Variants in ADAR observed in about 807,000 individuals in gnomAD.
ADAR encodes the protein double-stranded RNA-specific adenosine deaminase.
In ADAR, 41 loss-of-function variants were observed where a neutral mutation model predicts 113.2. The observed-to-expected ratio is 0.36, with a 90% CI of 0.28 to 0.47. The LOEUF (loss-of-function observed/expected upper bound fraction) is 0.47, where lower values mean the gene tolerates loss of function less well. ADAR is among the 20% of genes least tolerant of loss of function. The probability of loss-of-function intolerance (pLI) is 1.00; values close to 1 mark genes in which losing one functional copy is unlikely to be tolerated. For synonymous variants in ADAR, 605 were observed against 572.6 expected (o/e 1.06, Z -0.81); for missense variants, 1,242 against 1,540.9 (o/e 0.81, Z 3.25).
intron 3 of ADAR, 126 bp from the exon 4 acceptor site, chr1:154,598,102 TA>T (rs1234468485): frequency 1.8e-6 from 2 of 1,125,552 alleles, no homozygotes; most frequent in Non-Finnish European, 2.6e-6. Flanking sequence ...TTCCCAAAGT[TA>T]AAGGGGCTGC....
upstream of ADAR, among the ~76,000 whole-genome samples, chr1:154,610,175 G>A (rs1441454917): frequency 6.6e-6 from 1 of 152,174 alleles, no homozygotes; most frequent in African/African-American, 2.4e-5. Context: ...CCAGGTGGCA[G>A]CAAGGATGCA....
intron 3 of ADAR, 134 bp from the exon 4 acceptor site, chr1:154,598,110 C>T: frequency 1.9e-6 from 2 of 1,059,242 alleles, no homozygotes; most frequent in Non-Finnish European, 2.8e-6. Context: ...GTTAAAGGGG[C>T]TGCTGGAGCT....
At chr1:154,607,754 C>T (rs1698295065) in intron 1 of ADAR, among the ~76,000 whole-genome samples, 1 of 149,058 alleles carries the variant, frequency 6.7e-6, no homozygotes, top group Non-Finnish European at 1.5e-5. Context: ...CACACACACT[C>T]TCACAAGACG....
chr1:154,592,235 A>T (rs1429751093), intron 6 of ADAR, among the ~76,000 whole-genome samples: 2 of 151,836 alleles, frequency 1.3e-5, no homozygotes, highest in Non-Finnish European at 2.9e-5. Flanking sequence ...TCTCTTCATC[A>T]TCCTTAAAGT....
intron 14 of ADAR, 70 bp downstream of exon 14, chr1:154,585,147 C>CA: frequency 6.2e-7 from 1 of 1,613,690 alleles, no homozygotes. Context: ...CCTGAGACTG[C>CA]AGAGGTATGA....
chr1:154,584,747 G>T lies in ADAR; in HGVS notation c.*59C>A. 7.2e-7 allele frequency: 1 copy of T among 1,394,418 alleles called. No individual in the cohort carries two copies. 86.4% of individuals were successfully genotyped at this position (1,394,418 alleles called of 1,614,324 possible). On this transcript the variant is annotated 3_prime_UTR_variant, in exon 15 of 15. Transcript: ENST00000368474. Reference sequence around the variant, plus strand: ...CTGACCATGTGATGAGGAATGCTACGACCTACCTCTCTCACACCCTAGTAT... The same window carrying T: ...CTGACCATGTGATGAGGAATGCTACTACCTACCTCTCTCACACCCTAGTAT...
At chr1:154,602,656 T>C (rs775172387) in intron 1 of ADAR, 30 bp from the exon 2 acceptor site, 1 of 1,610,676 alleles carries the variant, frequency 6.2e-7, no homozygotes, top group African/African-American at 1.3e-5. Flanking sequence ...AAAAAGAAAA[T>C]GAATTAGGGC....
chr1:154,612,740 G>A (rs1365558130), upstream of ADAR, among the ~76,000 whole-genome samples: 2 of 152,182 alleles, frequency 1.3e-5, no homozygotes, highest in South Asian at 2.1e-4. Context: ...TTTTGTTATC[G>A]TTGTTTCTCC....
rs778102753 is a variant in ADAR, at chr1:154,586,231, G to A, written c.3152C>T (p.Ala1051Val). ...LRWNVLGLQG[A>V]LLTHFLQPIY... Reference sequence around the variant, plus strand: ...GGGCTGCAGGAAGTGGGTCAACAGTGCCCCTTGCAGGCCCAGCACGTTCCA... The same window carrying A: ...GGGCTGCAGGAAGTGGGTCAACAGTACCCCTTGCAGGCCCAGCACGTTCCA... Residue 1051 changes from alanine (A) to valine (V), a missense_variant, in exon 12 of 15, where the codon GCA (alanine) becomes GTA (valine). By Grantham distance (64) the Ala-to-Val change is moderately conservative. Transcript: ENST00000368474. The A allele has an allele frequency of 6.2e-7, 1 of 1,614,222 alleles. No individual in the cohort carries two copies. Among genetic ancestry groups the A allele is most frequent in the Non-Finnish European group, 8.5e-7 (1 of 1,180,050 alleles).
At chr1:154,586,433 C>A in intron 11 of ADAR, 70 bp from the exon 12 acceptor site, 2 of 1,491,130 alleles carry the variant, frequency 1.3e-6, no homozygotes, top group East Asian at 2.3e-5. Flanking sequence ...TGGTTTCTAT[C>A]CTCCTTAAGC....
chr1:154,595,369 T>C (rs1172052730), intron 6 of ADAR, among the ~76,000 whole-genome samples: 1 of 152,208 alleles, frequency 6.6e-6, no homozygotes, highest in Non-Finnish European at 1.5e-5. Context: ...TGCATGTTAT[T>C]GCCCCTGAAC....
At position 154,596,966 on chromosome 1, in the gene ADAR, A is replaced by T. The variant is rs1697541364; in HGVS notation, c.2109T>A (p.Asp703Glu). 2 of 1,614,102 alleles carry T rather than the reference A, an allele frequency of 1.2e-6. No individual in the cohort carries two copies. Among genetic ancestry groups the T allele is most frequent in the African/African-American group, 1.3e-5 (1 of 74,930 alleles). ...QPEGMISESL[D>E]NLESMMPNKV... ...TGTTGGGCATCATGGATTCCAAGTT[A>T]TCAAGTGACTCTGAGATCATACCTT... Residue 703 changes from aspartate to glutamate, a missense_variant, in exon 6 of 15, where the codon GAT becomes GAA. By Grantham distance (45) the Asp-to-Glu change is conservative. Coordinates refer to ENST00000368474, the MANE Select transcript of ADAR (RefSeq NM_001111.5).
At chr1:154,590,135 A>AGGCGGGGGGG in intron 7 of ADAR, 49 bp downstream of exon 7, 3 of 1,204,962 alleles carry the variant, frequency 2.5e-6, no homozygotes, top group Non-Finnish European at 2.4e-6. Flanking sequence ...CTTAGGAGTT[A>AGGCGGGGGGG]GGAGGACCCC....
Position 154,608,028 on chromosome 1 carries a change from G to A in ADAR, c.-22C>T, listed in dbSNP as rs549703023. 2.7e-5 allele frequency: 43 copies of A among 1,573,204 alleles called. No individual in the cohort carries two copies. In the Admixed American group the frequency reaches 7.6e-4, roughly 28 times the overall value. On this transcript the variant is annotated 5_prime_UTR_variant, in exon 1 of 15. Coordinates refer to ENST00000368474, the MANE Select transcript of ADAR (RefSeq NM_001111.5). Reference sequence around the variant, plus strand: ...TCATTGCGCCCGCGAGGCATTGCCCGGCCCGACCCGCCGGCGGCACGACCC... The same window carrying A: ...TCATTGCGCCCGCGAGGCATTGCCCAGCCCGACCCGCCGGCGGCACGACCC...
Position 154,585,806 on chromosome 1 carries a change from C to A in ADAR, c.3262G>T (p.Gly1088Trp). ...CGTAGTCCATCCTCAAATGCACTCCCATCTCTTGTCACACGACAGCAAATA... is the reference window on the plus strand; with the variant it reads ...CGTAGTCCATCCTCAAATGCACTCCAATCTCTTGTCACACGACAGCAAATA... ...RAICCRVTRD[G>W]SAFEDGLRHP... Residue 1088 changes from glycine to tryptophan, a missense_variant, in exon 13 of 15, where the codon GGG (glycine) becomes TGG (tryptophan). Gly to Trp is a radical substitution (Grantham distance 184). Transcript: ENST00000368474. 1 of 1,614,070 alleles carries A rather than the reference C, an allele frequency of 6.2e-7. No homozygotes were observed. Among genetic ancestry groups the A allele is most frequent in the East Asian group, 2.2e-5 (1 of 44,876 alleles).
At chr1:154,623,641 C>T (rs543543301) in intron 1 of ADAR, among the ~76,000 whole-genome samples, 1 of 152,250 alleles carries the variant, frequency 6.6e-6, no homozygotes, top group Admixed American at 6.5e-5. Context: ...ATTTACAACG[C>T]TAAAAGACAG....
At chr1:154,592,917 T>C (rs975078831) in intron 6 of ADAR, among the ~76,000 whole-genome samples, 1 of 151,604 alleles carries the variant, frequency 6.6e-6, no homozygotes, top group African/African-American at 2.4e-5. Flanking sequence ...GGGTGGATCA[T>C]CTGAGGTCAG....
intron 1 of ADAR, among the ~76,000 whole-genome samples, chr1:154,621,953 A>AT (rs1698801188): frequency 6.6e-6 from 1 of 152,090 alleles, no homozygotes; most frequent in Non-Finnish European, 1.5e-5. Flanking sequence ...AGAAAGGGGT[A>AT]TTTTTTCCCT....
At chr1:154,590,637 T>C (rs375285411) in intron 6 of ADAR, among the ~76,000 whole-genome samples, 81 of 152,068 alleles carry the variant, frequency 5.3e-4, no homozygotes, top group African/African-American at 1.3e-3. Context: ...TTTCTCTAAA[T>C]TGACTTCTTA....
Sources: gnomAD v4.1 joint callset for allele counts (sites outside exome capture counted in the v4.1 genomes callset) on GRCh38, gnomAD v4.1.1 for gene constraint, MANE v1.5 for transcripts, NCBI Gene and HGNC (gene_info 2026-07-23, HGNC 2026-07-21) for gene names.